Variants in THOC7 observed in about 807,000 individuals in gnomAD.
The protein encoded by THOC7 is THO complex subunit 7, also known as NIF3L1-binding protein 1.
In THOC7, 22 loss-of-function variants were observed where a neutral mutation model predicts 33.1. The observed-to-expected ratio is 0.66, with a 90% CI of 0.47 to 0.95. The LOEUF (loss-of-function observed/expected upper bound fraction) is 0.95, where lower values mean the gene tolerates loss of function less well. THOC7 is among the 40% of genes least tolerant of loss of function. THOC7 has a pLI of 0.00. For synonymous variants in THOC7, 77 were observed against 76.8 expected, an observed-to-expected ratio of 1.00 and a Z score of -0.01; for missense variants, 184 against 245.3, an observed-to-expected ratio of 0.75 and a Z score of 1.67.
chr3:63,852,694 G>C (rs553834017), intron 1 of THOC7, among the ~76,000 whole-genome samples: 6 of 152,202 alleles, frequency 3.9e-5, no homozygotes, highest in Admixed American at 6.5e-5. Flanking sequence ...TTGCTGGTAG[G>C]AAACTGGGAG....
intron 1 of THOC7, among the ~76,000 whole-genome samples, chr3:63,840,501 G>A (rs1173068150): frequency 6.6e-6 from 1 of 152,132 alleles, no homozygotes; most frequent in Non-Finnish European, 1.5e-5. Context: ...TGAGGTAGGA[G>A]GATCACTTGA....
At chr3:63,863,832 AGGCGGCGGTT>A (rs1307235786), upstream of THOC7, 3 of 1,218,474 alleles carry the variant, frequency 2.5e-6, no homozygotes, top group Admixed American at 4.5e-5. Flanking sequence ...GCGCAAGCTG[AGGCGGCGGTT>A]GGCGGCGGCG....
At chr3:63,845,233 G>A (rs1406849759) in intron 1 of THOC7, among the ~76,000 whole-genome samples, 6 of 152,144 alleles carry the variant, frequency 3.9e-5, no homozygotes, top group Non-Finnish European at 7.3e-5. Context: ...ATTAGTTTGT[G>A]CTATGAGAGG....
intron 1 of THOC7, among the ~76,000 whole-genome samples, chr3:63,841,274 C>G (rs1355451255): frequency 6.6e-6 from 1 of 152,140 alleles, no homozygotes; most frequent in Non-Finnish European, 1.5e-5. Context: ...GACAGATCCA[C>G]AAGAAACTTG....
At chr3:63,863,533 C>T in intron 1 of THOC7, 1 of 1,192,654 alleles carries the variant, frequency 8.4e-7, no homozygotes, top group East Asian at 3.5e-5. Context: ...TCCGGGAGAG[C>T]GGACGGGGAA....
chr3:63,854,939 C>T (rs1702083107), intron 1 of THOC7, among the ~76,000 whole-genome samples: 1 of 149,824 alleles, frequency 6.7e-6, no homozygotes, highest in Non-Finnish European at 1.5e-5. Context: ...ACCCGGGAGG[C>T]GGAGCTTGCA....
chr3:63,842,441 C>T (rs1701785916), intron 1 of THOC7, among the ~76,000 whole-genome samples: 1 of 152,106 alleles, frequency 6.6e-6, no homozygotes, highest in African/African-American at 2.4e-5. Flanking sequence ...CTGGAGAATT[C>T]ACAACCTAAG....
chr3:63,857,637 G>C (rs138974350), intron 1 of THOC7, among the ~76,000 whole-genome samples: 1 of 152,162 alleles, frequency 6.6e-6, no homozygotes, highest in African/African-American at 2.4e-5. Flanking sequence ...ATATTAAGGA[G>C]ACACATAAAA....
intron 4 of THOC7, 73 bp downstream of exon 4, chr3:63,837,903 C>G: frequency 7.3e-7 from 1 of 1,370,922 alleles, no homozygotes; most frequent in Non-Finnish European, 9.9e-7. Context: ...TTTTACCTCA[C>G]AACATTAAAA....
intron 1 of THOC7, chr3:63,863,391 C>G: frequency 9.8e-7 from 1 of 1,019,212 alleles, no homozygotes; most frequent in Non-Finnish European, 1.2e-6. Flanking sequence ...GGGTCCTCAC[C>G]GCGCCCCTAG....
At chr3:63,856,887 C>G (rs1266943166) in intron 1 of THOC7, among the ~76,000 whole-genome samples, 1 of 152,006 alleles carries the variant, frequency 6.6e-6, no homozygotes, top group Non-Finnish European at 1.5e-5. Context: ...CCAGCTAATT[C>G]TTTTGTATTT....
chr3:63,847,624 C>A (rs1237584549), intron 1 of THOC7, among the ~76,000 whole-genome samples: 1 of 152,114 alleles, frequency 6.6e-6, no homozygotes, highest in Non-Finnish European at 1.5e-5. Flanking sequence ...GTAATCCCAG[C>A]TACTCAGGAG....
chr3:63,838,715 A>T (rs1329064131), intron 2 of THOC7, among the ~76,000 whole-genome samples: 1 of 151,808 alleles, frequency 6.6e-6, no homozygotes, highest in African/African-American at 2.4e-5. Flanking sequence ...CAAAGGTGGG[A>T]TTGTTGTTCT....
intron 1 of THOC7, among the ~76,000 whole-genome samples, chr3:63,845,237 T>C (rs1186386844): frequency 6.6e-6 from 1 of 152,178 alleles, no homozygotes; most frequent in Non-Finnish European, 1.5e-5. Context: ...GTTTGTGCTA[T>C]GAGAGGACAT....
chr3:63,850,294 G>A (rs1417074397), intron 1 of THOC7, among the ~76,000 whole-genome samples: 1 of 151,634 alleles, frequency 6.6e-6, no homozygotes, highest in Non-Finnish European at 1.5e-5. Flanking sequence ...TCTGCCTCCC[G>A]GGTTCAAGCA....
upstream of THOC7, among the ~76,000 whole-genome samples, chr3:63,864,273 T>C (rs1300145688): frequency 6.7e-6 from 1 of 148,188 alleles, no homozygotes; most frequent in Non-Finnish European, 1.5e-5. Context: ...CGCCGCCCCA[T>C]CCAGGGTGAC....
intron 1 of THOC7, 189 bp downstream of exon 1, chr3:63,863,582 AG>A: frequency 8.4e-7 from 1 of 1,197,126 alleles, no homozygotes; most frequent in Non-Finnish European, 1.0e-6. Flanking sequence ...CTCTGGCGAG[AG>A]GAGGAAGGAC....
rs150443613 is a variant in THOC7 at position 63,843,909 on chromosome 3, A to C, written c.20-4136T>G. Among the ~76,000 whole-genome samples, 846 of 152,270 alleles carry C rather than the reference A, an allele frequency of 5.6e-3. 5 individuals are homozygous for C. Among genetic ancestry groups the C allele is most frequent in the African/African-American group, 0.019 (781 of 41,566 alleles). On this transcript the variant is annotated intron_variant, in intron 1 of 7. Coordinates refer to ENST00000295899, the MANE Select transcript of THOC7 (RefSeq NM_025075.4). ...GAGTGAGACTCCGTCTCAGAAAAAAAAAAACAAAACTGTGGATGTGTGTGT... is the reference window on the plus strand; with the variant it reads ...GAGTGAGACTCCGTCTCAGAAAAAACAAAACAAAACTGTGGATGTGTGTGT...
chr3:63,863,908 G>GCGC (rs1702314049), upstream of THOC7: 1 of 1,062,884 alleles, frequency 9.4e-7, no homozygotes, highest in Non-Finnish European at 1.1e-6. Context: ...GGAGGCGGCG[G>GCGC]CGCCCGCGGC....
Sources: gnomAD v4.1 joint callset for allele counts (sites outside exome capture counted in the v4.1 genomes callset) on GRCh38, gnomAD v4.1.1 for gene constraint, MANE v1.5 for transcripts, NCBI Gene and HGNC (gene_info 2026-07-23, HGNC 2026-07-21) for gene names.